The following ELMO1 variants were observed in gnomAD, a reference collection of about 807,000 sequenced individuals.
ELMO1 encodes the protein engulfment and cell motility 1.
A neutral mutation model predicts 98.9 loss-of-function variants in ELMO1; 26 were observed. The observed-to-expected ratio is 0.26, with a 90% confidence interval of 0.19 to 0.36. ELMO1 has a LOEUF of 0.36. Among genes scored for constraint, ELMO1 ranks in the 10% least tolerant of loss-of-function variants. ELMO1 has a pLI of 1.00. For missense variants in ELMO1, 627 were observed against 935.2 expected (o/e 0.67, Z 4.30); for synonymous variants, 346 against 346.0 (o/e 1.00, Z 0.00).
At chr7:37,112,528 A>G (rs1785313480) in intron 14 of ELMO1, among the ~76,000 whole-genome samples, 1 of 152,200 alleles carries the variant, frequency 6.6e-6, no homozygotes, top group Non-Finnish European at 1.5e-5. Flanking sequence ...ACAGGTGTGA[A>G]TGACATTAAC....
At chr7:37,359,904 CTGTGG>C (rs1801633582) in intron 1 of ELMO1, among the ~76,000 whole-genome samples, 1 of 152,158 alleles carries the variant, frequency 6.6e-6, no homozygotes, top group Non-Finnish European at 1.5e-5. Context: ...GACTTTGAGT[CTGTGG>C]ACAGGAATCA....
intron 15 of ELMO1, among the ~76,000 whole-genome samples, chr7:37,043,085 G>C (rs1795612434): frequency 6.6e-6 from 1 of 152,208 alleles, no homozygotes; most frequent in Non-Finnish European, 1.5e-5. Context: ...TGCCCTCACA[G>C]TGTTCACTGT....
intron 13 of ELMO1, among the ~76,000 whole-genome samples, chr7:37,206,344 T>C (rs556105788): frequency 6.6e-6 from 1 of 152,242 alleles, no homozygotes; most frequent in South Asian, 2.1e-4. Flanking sequence ...CAGCCTGTGA[T>C]TGGTAGAGTC....
chr7:36,995,773 A>G (rs543870963), intron 16 of ELMO1, among the ~76,000 whole-genome samples: 1 of 152,354 alleles, frequency 6.6e-6, no homozygotes, highest in South Asian at 2.1e-4. Context: ...ATGAACATCT[A>G]TATGCACATC....
At chr7:37,063,998 G>C (rs1464761955) in intron 15 of ELMO1, among the ~76,000 whole-genome samples, 1 of 151,908 alleles carries the variant, frequency 6.6e-6, no homozygotes, top group Non-Finnish European at 1.5e-5. Context: ...TTTCATCCTT[G>C]GGTCGTCTGC....
intron 1 of ELMO1, among the ~76,000 whole-genome samples, chr7:37,347,521 T>G (rs202095073): frequency 1.0e-3 from 1 of 996 alleles, no homozygotes; most frequent in South Asian, 0.025. Context: ...TATGGTATTC[T>G]TATTCTTATT....
At position 37,226,489 on chromosome 7, in the gene ELMO1, T is replaced by C. The variant is rs1406400071; in HGVS notation, c.550-1459A>G. On this transcript the variant is annotated intron_variant, in intron 8 of 21. Transcript: ENST00000310758. ...TGTGTTCAGGGTTTAATACTTAACT[T>C]AGACATCTTCTAAACAGAGGATAAA... Among the ~76,000 whole-genome samples, 4 of 152,140 alleles carry C rather than the reference T, an allele frequency of 2.6e-5. No individual in the cohort carries two copies. In the East Asian group the frequency reaches 7.7e-4, roughly 29 times the overall value.
At chr7:37,137,019 G>C (rs180888813) in intron 13 of ELMO1, among the ~76,000 whole-genome samples, 70 of 152,204 alleles carry the variant, frequency 4.6e-4, no homozygotes, top group African/African-American at 1.6e-3. Context: ...CTGCCTTCAA[G>C]AGACTCACCT....
intron 14 of ELMO1, among the ~76,000 whole-genome samples, chr7:37,130,196 A>T (rs1422828105): frequency 6.6e-6 from 1 of 151,602 alleles, no homozygotes; most frequent in Admixed American, 6.6e-5. Flanking sequence ...TTGTCTCTTC[A>T]CCCCCCACCC....
At chr7:37,418,090 G>A (rs1017106429) in intron 1 of ELMO1, among the ~76,000 whole-genome samples, 2 of 152,104 alleles carry the variant, frequency 1.3e-5, no homozygotes, top group African/African-American at 4.8e-5. Context: ...ATCAAAAGAT[G>A]TTAAGGGAGC....
intron 13 of ELMO1, among the ~76,000 whole-genome samples, chr7:37,152,757 A>G (rs893970106): frequency 2.0e-5 from 3 of 152,250 alleles, no homozygotes; most frequent in African/African-American, 7.2e-5. Context: ...AGAAAATGAA[A>G]GGAACAGAAT....
At chr7:37,199,310 T>C (rs1350818208) in intron 13 of ELMO1, among the ~76,000 whole-genome samples, 1 of 152,164 alleles carries the variant, frequency 6.6e-6, no homozygotes, top group Non-Finnish European at 1.5e-5. Context: ...CTTAAAATAG[T>C]TCCTCTAAAA....
At chr7:37,262,725 A>G (rs1796036611) in intron 5 of ELMO1, among the ~76,000 whole-genome samples, 1 of 152,224 alleles carries the variant, frequency 6.6e-6, no homozygotes, top group Non-Finnish European at 1.5e-5. Flanking sequence ...GACTGTGGCA[A>G]GCCAGGTGGC....
chr7:37,080,600 A>ATT (rs764259726), intron 15 of ELMO1, among the ~76,000 whole-genome samples: 9,530 of 105,128 alleles, frequency 0.091, 515 homozygotes, highest in Middle Eastern at 0.19. Flanking sequence ...ACCACGCCTA[A>ATT]TTTTTTTTTT....
At chr7:37,186,824 C>T (rs2130080205) in intron 13 of ELMO1, among the ~76,000 whole-genome samples, 1 of 152,270 alleles carries the variant, frequency 6.6e-6, no homozygotes, top group African/African-American at 2.4e-5. Flanking sequence ...TTGATGAGGA[C>T]CTGAAAACAC....
intron 20 of ELMO1, among the ~76,000 whole-genome samples, chr7:36,865,015 T>C (rs917580312): frequency 3.3e-5 from 5 of 152,176 alleles, no homozygotes; most frequent in African/African-American, 1.2e-4. Context: ...CAAGGCACGC[T>C]GTGTCAGCAG....
chr7:37,101,307 T>C (rs182243508), intron 14 of ELMO1, among the ~76,000 whole-genome samples: 14 of 152,170 alleles, frequency 9.2e-5, no homozygotes, highest in Admixed American at 5.9e-4. Context: ...AGGGTGACAA[T>C]AGTGTGAAGA....
chr7:37,192,702 G>A (rs1291139328), intron 13 of ELMO1, among the ~76,000 whole-genome samples: 1 of 149,782 alleles, frequency 6.7e-6, no homozygotes, highest in Non-Finnish European at 1.5e-5. Flanking sequence ...GAAGGCTAAG[G>A]TGGGAGGATA....
At chr7:36,947,066 G>A (rs772781566) in intron 16 of ELMO1, among the ~76,000 whole-genome samples, 7 of 152,060 alleles carry the variant, frequency 4.6e-5, no homozygotes, top group South Asian at 2.1e-4. Flanking sequence ...TATTGAACCC[G>A]TCACCCAAAT....
Sources: allele counts gnomAD v4.1 joint callset (sites outside exome capture counted in the v4.1 genomes callset), GRCh38; gene constraint gnomAD v4.1.1; transcripts MANE v1.5; gene names NCBI Gene and HGNC (gene_info 2026-07-23, HGNC 2026-07-21).